The following KSR2 variants were observed in gnomAD, a reference collection of about 807,000 sequenced individuals.
KSR2 encodes the protein kinase suppressor of ras 2.
A neutral mutation model predicts 107.8 loss-of-function variants in KSR2; 25 were observed. That is an observed-to-expected ratio of 0.23 (90% CI 0.17 to 0.32). KSR2 has a LOEUF of 0.32. Among genes scored for constraint, KSR2 ranks in the 10% least tolerant of loss-of-function variants. The pLI is 1.00. For synonymous variants in KSR2, 480 were observed against 507.0 expected (o/e 0.95, Z 0.71); for missense variants, 887 against 1,268.9 (o/e 0.70, Z 4.57).
At chr12:117,509,429 A>G (rs546137786) in intron 14 of KSR2, among the ~76,000 whole-genome samples, 6 of 152,358 alleles carry the variant, frequency 3.9e-5, no homozygotes, top group African/African-American at 1.4e-4. Flanking sequence ...ACCGAAAGAA[A>G]GAGAGCAGGG....
intron 4 of KSR2, among the ~76,000 whole-genome samples, chr12:117,753,735 T>C (rs1888688085): frequency 1.3e-5 from 2 of 150,182 alleles, no homozygotes; most frequent in Non-Finnish European, 3.0e-5. Flanking sequence ...GGTGATGAAA[T>C]AATCTGTACA....
intron 5 of KSR2, among the ~76,000 whole-genome samples, chr12:117,651,030 G>T (rs1216504841): frequency 3.3e-5 from 5 of 152,304 alleles, no homozygotes; most frequent in African/African-American, 1.2e-4. Flanking sequence ...AAAAAAATGA[G>T]ACCCTGAAAT....
intron 14 of KSR2, among the ~76,000 whole-genome samples, chr12:117,510,877 CAAAAAAAAA>C (rs58668449): frequency 1.9e-5 from 2 of 103,200 alleles, no homozygotes; most frequent in Non-Finnish European, 3.9e-5. Flanking sequence ...GACCCTGTCT[CAAAAAAAAA>C]AAAAAAAAAA....
chr12:117,830,371 C>A (rs1175798756), intron 3 of KSR2, among the ~76,000 whole-genome samples: 1 of 151,918 alleles, frequency 6.6e-6, no homozygotes, highest in African/African-American at 2.4e-5. Context: ...GGGAAGGGGA[C>A]AAGCTCTGAA....
intron 1 of KSR2, among the ~76,000 whole-genome samples, chr12:117,902,426 G>A (rs1217489022): frequency 1.3e-5 from 2 of 151,208 alleles, no homozygotes; most frequent in African/African-American, 4.9e-5. Flanking sequence ...AACCTGGGAG[G>A]TGGAGGCTGC....
chr12:117,749,974 G>A (rs145752950), intron 4 of KSR2, among the ~76,000 whole-genome samples: 138 of 152,260 alleles, frequency 9.1e-4, no homozygotes, highest in African/African-American at 3.0e-3. Flanking sequence ...CTGGCTGGGC[G>A]CAATGGCTGA....
chr12:117,549,757 T>C (rs1877157878), intron 9 of KSR2, among the ~76,000 whole-genome samples: 1 of 151,912 alleles, frequency 6.6e-6, no homozygotes, highest in Non-Finnish European at 1.5e-5. Context: ...AACAAAAACA[T>C]AGGAGGTAAC....
At chr12:117,705,301 A>G (rs148022228) in intron 4 of KSR2, among the ~76,000 whole-genome samples, 122 of 152,316 alleles carry the variant, frequency 8.0e-4, no homozygotes, top group Middle Eastern at 3.4e-3. Flanking sequence ...CCATCTCTCA[A>G]CCTGCACTGC....
intron 4 of KSR2, among the ~76,000 whole-genome samples, chr12:117,742,907 TG>T (rs563029903): frequency 2.6e-5 from 4 of 152,348 alleles, no homozygotes; most frequent in African/African-American, 9.6e-5. Flanking sequence ...ATTGAGTCAC[TG>T]GGCCTAAAGC....
chr12:117,571,263 A>C (rs1417091977), intron 7 of KSR2, among the ~76,000 whole-genome samples: 1 of 152,162 alleles, frequency 6.6e-6, no homozygotes, highest in Non-Finnish European at 1.5e-5. Context: ...GTCTCAAAAA[A>C]GAAAAAAAGA....
In KSR2 at chr12:117,781,147, C is replaced by T. The variant is rs530590973; in HGVS notation, c.473-19623G>A. 2.2e-4 allele frequency among the ~76,000 whole-genome samples: 33 copies of T among 152,332 alleles called. 1 individual carries two copies. The highest frequency in any genetic ancestry group is 1.5e-3 in the South Asian group (7 of 4,826). ...TTATAAATGGGAGTTCCCCTGCACA[C>T]GCTCTCTCTTGCCCACTGCCATGTA... On this transcript the variant is annotated intron_variant, in intron 3 of 19. Coordinates refer to ENST00000339824, the MANE Select transcript of KSR2 (RefSeq NM_173598.6).
intron 5 of KSR2, among the ~76,000 whole-genome samples, chr12:117,665,218 T>G (rs1884609009): frequency 6.6e-6 from 1 of 152,136 alleles, no homozygotes; most frequent in Admixed American, 6.5e-5. Context: ...TTAAGGACTT[T>G]GCTCCTGTCC....
intron 5 of KSR2, among the ~76,000 whole-genome samples, chr12:117,608,342 A>G (rs869713): frequency 0.25 from 38,678 of 152,230 alleles, 5,225 homozygotes; most frequent in Non-Finnish European, 0.29. Flanking sequence ...CACTGAACAA[A>G]GAAATGTGCA....
At chr12:117,923,393 T>G (rs1393826616) in intron 1 of KSR2, among the ~76,000 whole-genome samples, 2 of 152,192 alleles carry the variant, frequency 1.3e-5, no homozygotes, top group African/African-American at 4.8e-5. Context: ...TTATAGAATA[T>G]AACTGCCATG....
chr12:117,780,608 G>T (rs1395809884), intron 3 of KSR2, among the ~76,000 whole-genome samples: 1 of 152,210 alleles, frequency 6.6e-6, no homozygotes, highest in Non-Finnish European at 1.5e-5. Context: ...AAGCTCTGAA[G>T]ATGGATGGTG....
chr12:117,926,729 G>A (rs1456527323), intron 1 of KSR2, among the ~76,000 whole-genome samples: 2 of 152,210 alleles, frequency 1.3e-5, no homozygotes, highest in African/African-American at 2.4e-5. Flanking sequence ...CTCTGTCCCT[G>A]CAATGTGGAG....
At chr12:117,784,691 A>T (rs1396617842) in intron 3 of KSR2, among the ~76,000 whole-genome samples, 1 of 152,050 alleles carries the variant, frequency 6.6e-6, no homozygotes. Context: ...AGTCATTCAG[A>T]TCTGTGCAAC....
intron 1 of KSR2, among the ~76,000 whole-genome samples, chr12:117,929,216 C>T (rs570075964): frequency 6.6e-6 from 1 of 152,322 alleles, no homozygotes; most frequent in South Asian, 2.1e-4. Context: ...ATGTTCATAG[C>T]AGCATTGATA....
chr12:117,772,719 C>A (rs1265532771), intron 3 of KSR2, among the ~76,000 whole-genome samples: 1 of 151,884 alleles, frequency 6.6e-6, no homozygotes. Flanking sequence ...CACAAACACA[C>A]ACTCACACAT....
Sources: gnomAD v4.1 joint callset for allele counts (sites outside exome capture counted in the v4.1 genomes callset) on GRCh38, gnomAD v4.1.1 for gene constraint, MANE v1.5 for transcripts, NCBI Gene and HGNC (gene_info 2026-07-23, HGNC 2026-07-21) for gene names.